CDYL2: variants seen among roughly 807,000 people sequenced by gnomAD.
The protein encoded by CDYL2 is chromodomain Y-like protein 2.
CDYL2 carries 23 observed loss-of-function variants against 49.4 expected under a neutral mutation model. The observed-to-expected ratio is 0.47, with a 90% CI of 0.34 to 0.66. The LOEUF (loss-of-function observed/expected upper bound fraction) is 0.66, where lower values mean the gene tolerates loss of function less well. Ranked by LOEUF, CDYL2 falls within the 30% of genes least tolerant of loss-of-function variation. The pLI is 0.01. For missense variants in CDYL2, 678 were observed against 656.4 expected (o/e 1.03, Z -0.36); for synonymous variants, 360 against 268.8 (o/e 1.34, Z -3.32).
At chr16:80,748,492 G>C (rs1208727410) in intron 1 of CDYL2, among the ~76,000 whole-genome samples, 2 of 92,570 alleles carry the variant, frequency 2.2e-5, no homozygotes, top group African/African-American at 8.6e-5. Flanking sequence ...CTGGGCGACA[G>C]AGCAAAACTC....
intron 1 of CDYL2, among the ~76,000 whole-genome samples, chr16:80,689,526 A>G (rs1057234431): frequency 1.3e-5 from 2 of 152,196 alleles, no homozygotes; most frequent in African/African-American, 2.4e-5. Context: ...CCAAGATTTG[A>G]ACCCAAGTTC....
intron 3 of CDYL2, among the ~76,000 whole-genome samples, chr16:80,631,711 A>C (rs1471609347): frequency 4.6e-5 from 7 of 152,220 alleles, no homozygotes. Flanking sequence ...CATAGAAAGA[A>C]AAGTGACCTA....
chr16:80,599,341 GGACA>G lies in CDYL2; in HGVS notation c.*5043_*5046del, dbSNP rs1905976343. On this transcript the variant is annotated 3_prime_UTR_variant, in exon 7 of 7. Coordinates refer to ENST00000570137, the MANE Select transcript of CDYL2 (RefSeq NM_152342.4). ...ATGATAGCCCTGGACTACTTTATGT[GGACA>G]ACCAAAAGGAATAATAATTTCTTTT... 1 of 152,116 alleles carries G rather than the reference GGACA, an allele frequency of 6.6e-6. No homozygotes were observed. Among genetic ancestry groups the G allele is most frequent in the South Asian group, 2.1e-4 (1 of 4,822 alleles). The allele number at this position is 152,116 out of a possible 1,614,324, so 9.4% of individuals were successfully genotyped here.
chr16:80,778,728 T>C (rs556237520), intron 1 of CDYL2, among the ~76,000 whole-genome samples: 1 of 152,068 alleles, frequency 6.6e-6, no homozygotes, highest in South Asian at 2.1e-4. Flanking sequence ...ACAAAAAATT[T>C]TGGAAAGAAA....
chr16:80,770,696 C>CACTATATA lies in CDYL2; in HGVS notation c.24+33453_24+33454insTATATAGT, dbSNP rs571990405. 3.4e-3 allele frequency among the ~76,000 whole-genome samples: 521 copies of CACTATATA among 152,152 alleles called. 2 individuals are homozygous for CACTATATA. Among genetic ancestry groups the CACTATATA allele is most frequent in the African/African-American group, 0.011 (448 of 41,488 alleles). ...CTTGATGTCTAATTCTTGTCAATGT[C>CACTATATA]AAAGCTAAGTTTTAATTTTTTAAAA... On this transcript the variant is annotated intron_variant, in intron 1 of 6. Coordinates refer to ENST00000570137, the MANE Select transcript of CDYL2 (RefSeq NM_152342.4).
chr16:80,740,995 G>A (rs1013303486), intron 1 of CDYL2, among the ~76,000 whole-genome samples: 1 of 151,516 alleles, frequency 6.6e-6, no homozygotes, highest in Non-Finnish European at 1.5e-5. Context: ...TTTATTTTAA[G>A]TAAATAACAA....
At chr16:80,632,766 C>G (rs9921238) in intron 3 of CDYL2, 3 of 443,884 alleles carry the variant, frequency 6.8e-6, no homozygotes, top group African/African-American at 5.9e-5. Context: ...TCTGTGTCCA[C>G]GATCAGTTCA....
At chr16:80,752,078 T>C (rs1436718851) in intron 1 of CDYL2, among the ~76,000 whole-genome samples, 2 of 151,870 alleles carry the variant, frequency 1.3e-5, no homozygotes, top group Admixed American at 6.6e-5. Context: ...AACTGTGAAA[T>C]AGATAACCAT....
At chr16:80,761,892 A>C (rs1030529025) in intron 1 of CDYL2, among the ~76,000 whole-genome samples, 7 of 151,584 alleles carry the variant, frequency 4.6e-5, no homozygotes, top group Admixed American at 6.6e-5. Context: ...AAAAAAAAAA[A>C]AAAAAACAAA....
chr16:80,796,328 A>T (rs568082859), intron 1 of CDYL2, among the ~76,000 whole-genome samples: 1 of 152,182 alleles, frequency 6.6e-6, no homozygotes, highest in Non-Finnish European at 1.5e-5. Context: ...AATCAAATCT[A>T]CAAAAGACCT....
chr16:80,693,094 G>C (rs528043320), intron 1 of CDYL2, among the ~76,000 whole-genome samples: 1 of 137,756 alleles, frequency 7.3e-6, no homozygotes, highest in South Asian at 2.7e-4. Context: ...CATCTATAGT[G>C]ATCGAAGCCA....
intron 2 of CDYL2, among the ~76,000 whole-genome samples, chr16:80,662,349 C>A (rs1173568499): frequency 6.6e-6 from 1 of 152,152 alleles, no homozygotes; most frequent in African/African-American, 2.4e-5. Context: ...AGTCATTCTC[C>A]CTCCTGGAGA....
At chr16:80,632,791 C>T (rs1399691539) in intron 3 of CDYL2, 1 of 507,296 alleles carries the variant, frequency 2.0e-6, no homozygotes, top group Non-Finnish European at 3.6e-6. Context: ...GTCCCTCTCC[C>T]CATGGTCTTC....
At chr16:80,676,919 C>T (rs1275163486) in intron 2 of CDYL2, among the ~76,000 whole-genome samples, 1 of 151,142 alleles carries the variant, frequency 6.6e-6, no homozygotes, top group Non-Finnish European at 1.5e-5. Flanking sequence ...TGTGTTCCTC[C>T]TTTCTTACTT....
chr16:80,702,002 T>C (rs1246355719), intron 1 of CDYL2, among the ~76,000 whole-genome samples: 6 of 151,920 alleles, frequency 3.9e-5, no homozygotes, highest in African/African-American at 1.5e-4. Context: ...GGAGATAAAA[T>C]CGGAAACAAA....
chr16:80,743,467 G>A (rs1195239864), intron 1 of CDYL2, among the ~76,000 whole-genome samples: 1 of 138,150 alleles, frequency 7.2e-6, no homozygotes, highest in Non-Finnish European at 1.6e-5. Context: ...AGCTCTAACA[G>A]AAGTAGCAGC....
At chr16:80,695,172 G>C (rs565674105) in intron 1 of CDYL2, among the ~76,000 whole-genome samples, 2 of 152,242 alleles carry the variant, frequency 1.3e-5, no homozygotes, top group African/African-American at 4.8e-5. Flanking sequence ...CCATGTCCAT[G>C]CATCTATGTA....
intron 3 of CDYL2, among the ~76,000 whole-genome samples, chr16:80,626,565 G>T (rs1486055880): frequency 6.6e-6 from 1 of 152,114 alleles, no homozygotes; most frequent in Non-Finnish European, 1.5e-5. Context: ...TAATGAATGG[G>T]GAGGAGGATA....
At chr16:80,613,487 A>G (rs2316184) in intron 4 of CDYL2, among the ~76,000 whole-genome samples, 35,665 of 152,050 alleles carry the variant, frequency 0.23, 4,324 homozygotes, top group Admixed American at 0.34. Flanking sequence ...CAGGGATGCC[A>G]GACTCATCAA....
Sources: gnomAD v4.1 joint callset for allele counts (sites outside exome capture counted in the v4.1 genomes callset) on GRCh38, gnomAD v4.1.1 for gene constraint, MANE v1.5 for transcripts, NCBI Gene and HGNC (gene_info 2026-07-23, HGNC 2026-07-21) for gene names.